Variants in TNKS1BP1 observed in about 807,000 individuals in gnomAD.
TNKS1BP1 encodes the protein CCR4-NOT transcription complex subunit 12.
In TNKS1BP1, 48 loss-of-function variants were observed where a neutral mutation model predicts 141.1. The observed-to-expected ratio is 0.34, with a 90% CI of 0.27 to 0.43. The LOEUF is 0.43. TNKS1BP1 is among the 20% of genes least tolerant of loss of function. The probability of loss-of-function intolerance (pLI) is 1.00; values close to 1 mark genes in which losing one functional copy is unlikely to be tolerated. For synonymous variants in TNKS1BP1, 875 were observed against 898.2 expected (o/e 0.97, Z 0.46); for missense variants, 2,149 against 2,226.0 (o/e 0.97, Z 0.70).
In TNKS1BP1 at chr11:57,313,161, AGCCTCGGCG is replaced by A. The variant is rs1855740917; in HGVS notation, c.1518_1526del (p.Ala510_Ala512del). ...AAACGGCCAAGTTGCCAGCCTCAGC[AGCCTCGGCG>A]GCCTCACTGGCTTCAGTGATGGGGG... On this transcript the variant is annotated inframe_deletion, in exon 5 of 12. Transcript: ENST00000358252. The A allele has an allele frequency of 6.2e-7, 1 of 1,612,980 alleles. No homozygotes were observed. Among genetic ancestry groups the A allele is most frequent in the East Asian group, 2.2e-5 (1 of 44,860 alleles).
chr11:57,308,509 AC>A lies in TNKS1BP1; in HGVS notation c.4201del (p.Val1401LeufsTer225). The A allele has an allele frequency of 6.2e-7, 1 of 1,613,430 alleles. No individual in the cohort carries two copies. Among genetic ancestry groups the A allele is most frequent in the Non-Finnish European group, 8.5e-7 (1 of 1,179,848 alleles). The part of the protein sequence containing the change: ...RDPLEARELG[V>X]GETSGPETQG... Reference sequence around the variant, plus strand: ...GGTCTCTGGCCCACTTGTCTCACCAACCCCCAGCTCCCTGGCCTCCAAGGGG... The same window carrying A: ...GGTCTCTGGCCCACTTGTCTCACCAACCCCAGCTCCCTGGCCTCCAAGGGG... On this transcript the variant is annotated frameshift_variant, in exon 6 of 12. Transcript: ENST00000358252. LOFTEE classifies it high-confidence loss of function.
intron 4 of TNKS1BP1, 27 bp from the exon 5 acceptor site, chr11:57,313,916 C>G (rs372879427): frequency 2.1e-4 from 316 of 1,472,846 alleles, no homozygotes; most frequent in Non-Finnish European, 2.6e-4. Context: ...GGTCAAGATC[C>G]GTCACTCACC....
At position 57,300,895 on chromosome 11, in the gene TNKS1BP1, C is replaced by T; in HGVS notation, c.5118G>A (p.Glu1706=). 1 of 1,613,820 alleles carries T rather than the reference C, an allele frequency of 6.2e-7. No homozygotes were observed. Among genetic ancestry groups the T allele is most frequent in the African/African-American group, 1.3e-5 (1 of 75,050 alleles). The change falls in exon 10 of 12, where the codon GAG becomes GAA. Residue 1706 remains glutamate (E), a synonymous_variant. Transcript: ENST00000358252. The stretch of plus-strand genomic sequence containing the variant: ...CTTAGGTCACCTACCCTGAGGATTT[C>T]TCTGGCTTGGGAGGTAACGTGAGGG... The part of the protein sequence containing the change: ...GKPLTLPPKP[E]KSSGSEGSSP...
chr11:57,320,041 C>G (rs1268715162), intron 3 of TNKS1BP1, 38 bp downstream of exon 3: 7 of 1,236,070 alleles, frequency 5.7e-6, no homozygotes, highest in African/African-American at 1.5e-5. Context: ...CACCTGACCT[C>G]CAGGCTGCCA....
chr11:57,306,585 G>C (rs1039705599), intron 6 of TNKS1BP1, among the ~76,000 whole-genome samples: 2 of 152,038 alleles, frequency 1.3e-5, no homozygotes, highest in Non-Finnish European at 2.9e-5. Flanking sequence ...AACTGTTTTC[G>C]TTCGGCTTTT....
At chr11:57,322,439 G>A (rs76191749) in intron 1 of TNKS1BP1, 6,581 of 407,426 alleles carry the variant, frequency 0.016, 422 homozygotes, top group African/African-American at 0.15. Flanking sequence ...CCTCCCTCCC[G>A]CAGCTGGGAG....
At position 57,312,614 on chromosome 11, in the gene TNKS1BP1, G is replaced by A; in HGVS notation, c.2074C>T (p.Pro692Ser). ...SRWLDDLLASPPPSGGGARRG... is the reference protein window; with the variant it reads ...SRWLDDLLASSPPSGGGARRG... The stretch of plus-strand genomic sequence containing the variant: ...CTTGCACCGCCACCACTGGGTGGTG[G>A]TGAAGCCAGGAGGTCGTCCAGCCAG... The change falls in exon 5 of 12, where the codon CCA (proline) becomes TCA (serine). Residue 692 changes from proline to serine, a missense_variant. Coordinates refer to ENST00000358252, the MANE Select transcript of TNKS1BP1 (RefSeq NM_033396.3). 1 of 1,564,014 alleles carries A rather than the reference G, an allele frequency of 6.4e-7. No individual in the cohort carries two copies.
chr11:57,322,717 T>G (rs1855906802), intron 1 of TNKS1BP1, among the ~76,000 whole-genome samples: 1 of 152,044 alleles, frequency 6.6e-6, no homozygotes, highest in Non-Finnish European at 1.5e-5. Flanking sequence ...GGCCCAGGCC[T>G]GGGCTGGGAG....
In TNKS1BP1 at chr11:57,320,274, C is replaced by G; in HGVS notation, c.533G>C (p.Ser178Thr). The part of the protein sequence containing the change: ...MEQPRKEVLA[S>T]PDRLWGSRLT... ...GCGGGAACCCCACAGGCGGTCGGGG[C>G]TGGCAAGGACCTCCTTCCGAGGCTG... Residue 178 changes from serine (S) to threonine (T), a missense_variant, in exon 3 of 12, where the codon AGC becomes ACC. By Grantham distance (58) the Ser-to-Thr change is moderately conservative. Transcript: ENST00000358252. The G allele has an allele frequency of 6.2e-7, 1 of 1,614,200 alleles. No individual in the cohort carries two copies. Among genetic ancestry groups the G allele is most frequent in the Non-Finnish European group, 8.5e-7 (1 of 1,180,034 alleles).
chr11:57,312,455 T>C (rs1855727132), intron 5 of TNKS1BP1, 79 bp downstream of exon 5: 2 of 1,373,684 alleles, frequency 1.5e-6, no homozygotes, highest in African/African-American at 1.5e-5. Context: ...ACATGTAAAA[T>C]CCATGTTCAA....
chr11:57,322,367 C>A, intron 1 of TNKS1BP1: 1 of 971,358 alleles, frequency 1.0e-6, no homozygotes. Flanking sequence ...CCGCTCCTCC[C>A]CAACCTGGGC....
chr11:57,307,349 T>C (rs1855629067), intron 6 of TNKS1BP1, among the ~76,000 whole-genome samples: 1 of 151,968 alleles, frequency 6.6e-6, no homozygotes, highest in Non-Finnish European at 1.5e-5. Flanking sequence ...CCTCAGTGGT[T>C]CCCTGTGCTC....
intron 6 of TNKS1BP1, among the ~76,000 whole-genome samples, chr11:57,305,223 T>C (rs960657074): frequency 2.0e-5 from 3 of 152,254 alleles, no homozygotes; most frequent in African/African-American, 4.8e-5. Flanking sequence ...GACCACAAGT[T>C]ATTTGTCCCA....
In TNKS1BP1 at chr11:57,302,302, C is replaced by A. The variant is rs1413309503; in HGVS notation, c.4684-78G>T. The A allele has an allele frequency of 1.9e-6, 3 of 1,552,392 alleles. No homozygotes were observed. The highest frequency in any genetic ancestry group is 2.6e-6 in the Non-Finnish European group (3 of 1,147,242). On this transcript the variant is annotated intron_variant, in intron 7 of 11. Transcript: ENST00000358252. This position sits in a 1 kb window ranked among gnomAD's most constrained non-coding sequence, Gnocchi z 5.5. ...CCCCTCAACAGTAGCTGACCAGGAG[C>A]TGGACCCCTCCTGCAGCCGGAGCTT...
rs1565037366 is a variant in TNKS1BP1 at position 57,302,428 on chromosome 11, ACCCACTGTCATGGGCTCACCCT to A, written c.4683+9_4683+30del. On this transcript the variant is annotated intron_variant, in intron 7 of 11. Coordinates refer to ENST00000358252, the MANE Select transcript of TNKS1BP1 (RefSeq NM_033396.3). This position sits in a 1 kb window ranked among gnomAD's most constrained non-coding sequence, Gnocchi z 5.5. The stretch of plus-strand genomic sequence containing the variant: ...GGCTCTCGCTGCATCGCCCTCACCC[ACCCACTGTCATGGGCTCACCCT>A]CCACTGACCTCAATGAAGGAGAAGT... 6.4e-7 allele frequency: 1 copy of A among 1,560,768 alleles called. No homozygotes were observed. Among genetic ancestry groups the A allele is most frequent in the Admixed American group, 1.8e-5 (1 of 57,076 alleles).
rs975066555 is a variant in TNKS1BP1 at position 57,313,418 on chromosome 11, C to T, written c.1270G>A (p.Val424Ile). Residue 424 changes from valine (V) to isoleucine (I), a missense_variant, in exon 5 of 12, where the codon GTT (valine) becomes ATT (isoleucine). Transcript: ENST00000358252. Reference protein sequence around the residue: ...GDAHLRPTSLVQRRFSEGVLQ... With the variant: ...GDAHLRPTSLIQRRFSEGVLQ... ...ACACCTTCAGAGAATCGGCGCTGAA[C>T]CAGGCTGGTGGGGCGGAGGTGTGCG... 1 of 1,611,342 alleles carries T rather than the reference C, an allele frequency of 6.2e-7. No individual in the cohort carries two copies. Among genetic ancestry groups the T allele is most frequent in the Admixed American group, 1.7e-5 (1 of 59,896 alleles).
In TNKS1BP1 at chr11:57,308,713, C is replaced by A. The variant is rs142622492; in HGVS notation, c.3998G>T (p.Gly1333Val). The A allele has an allele frequency of 7.1e-5, 114 of 1,613,460 alleles. No homozygotes were observed. The highest frequency in any genetic ancestry group is 6.5e-4 in the Admixed American group (39 of 60,020). Residue 1333 changes from glycine to valine, a missense_variant, in exon 6 of 12, where the codon GGG (glycine) becomes GTG (valine). Coordinates refer to ENST00000358252, the MANE Select transcript of TNKS1BP1 (RefSeq NM_033396.3). ...TCDPDSGGSQ[G>V]LRGCGVGQMD... is the part of the protein sequence containing the mutation. ...CTGCCCCACTCCACATCCCCGTAGCCCCTGAGAACCTCCAGAGTCTGGGTC... is the reference window on the plus strand; with the variant it reads ...CTGCCCCACTCCACATCCCCGTAGCACCTGAGAACCTCCAGAGTCTGGGTC...
intron 2 of TNKS1BP1, 26 bp downstream of exon 2, chr11:57,321,766 T>C (rs1338159489): frequency 3.4e-5 from 25 of 725,742 alleles, no homozygotes; most frequent in Admixed American, 7.7e-5. Context: ...CCCAGCCACC[T>C]GGCTCCACCC....
At chr11:57,322,783 C>T (rs1308474932) in intron 1 of TNKS1BP1, among the ~76,000 whole-genome samples, 1 of 152,154 alleles carries the variant, frequency 6.6e-6, no homozygotes, top group African/African-American at 2.4e-5. Flanking sequence ...GGAAAATTCC[C>T]TGGGGCTCCA....
Sources: allele counts gnomAD v4.1 joint callset (sites outside exome capture counted in the v4.1 genomes callset), GRCh38; gene constraint gnomAD v4.1.1; non-coding constraint Gnocchi (gnomAD v3.1); transcripts MANE v1.5; gene names NCBI Gene and HGNC (gene_info 2026-07-23, HGNC 2026-07-21).